SASS6: variants seen among roughly 807,000 people sequenced by gnomAD.
SASS6 encodes SAS-6 centriolar assembly protein.
Under a neutral mutation model 94.9 loss-of-function variants are expected in SASS6, and 59 were observed. That is an observed-to-expected ratio of 0.62 (90% CI 0.50 to 0.77). SASS6 has a LOEUF of 0.77. Among genes scored for constraint, SASS6 ranks in the 30% least tolerant of loss-of-function variants. SASS6 has a pLI of 0.00. For synonymous variants in SASS6, 264 were observed against 270.0 expected (o/e 0.98, Z 0.22); for missense variants, 698 against 734.1 (o/e 0.95, Z 0.57).
intron 14 of SASS6, among the ~76,000 whole-genome samples, chr1:100,100,506 G>C (rs1239066233): frequency 6.6e-6 from 1 of 152,066 alleles, no homozygotes; most frequent in Admixed American, 6.5e-5. Flanking sequence ...AAATAAAAGA[G>C]AAAAAACACG....
rs1238159848 is a variant in SASS6, at chr1:100,132,801, A to G, written c.14T>C (p.Leu5Pro). 1 of 1,614,130 alleles carries G rather than the reference A, an allele frequency of 6.2e-7. No homozygotes were observed. Among genetic ancestry groups the G allele is most frequent in the Non-Finnish European group, 8.5e-7 (1 of 1,179,952 alleles). The change falls in exon 1 of 17, where the codon CTG becomes CCG. Residue 5 changes from leucine (L) to proline (P), a missense_variant. By Grantham distance (98) the Leu-to-Pro change is moderately conservative. Transcript: ENST00000287482. ...CTGCAACGGGACTAGTTGGTGGAACAGCACTTGGCTCATGTTGGCTCGCTG... is the reference window on the plus strand; with the variant it reads ...CTGCAACGGGACTAGTTGGTGGAACGGCACTTGGCTCATGTTGGCTCGCTG... MSQV[L>P]FHQLVPLQVK...
At chr1:100,086,037 CAAA>C (rs1384025043) in intron 15 of SASS6, among the ~76,000 whole-genome samples, 4 of 150,288 alleles carry the variant, frequency 2.7e-5, no homozygotes. Context: ...TCTAGTGCTT[CAAA>C]GTAGTCATGA....
chr1:100,131,565 T>C (rs1011717857), intron 1 of SASS6, among the ~76,000 whole-genome samples: 1 of 152,194 alleles, frequency 6.6e-6, no homozygotes, highest in African/African-American at 2.4e-5. Context: ...ACAATTCAGA[T>C]AAGCCCCATT....
chr1:100,088,273 T>A (rs749864019), intron 14 of SASS6, 37 bp from the exon 15 acceptor site: 1 of 1,022,302 alleles, frequency 9.8e-7, no homozygotes, highest in Non-Finnish European at 1.6e-6. Context: ...AACTGAGTTA[T>A]ATAGAAGTAG....
intron 7 of SASS6, among the ~76,000 whole-genome samples, chr1:100,115,010 A>G (rs1398216234): frequency 1.3e-5 from 2 of 152,188 alleles, no homozygotes; most frequent in Non-Finnish European, 2.9e-5. Context: ...AGCAAATATC[A>G]TATTTAACAG....
At chr1:100,108,139 T>A (rs1449432548) in intron 8 of SASS6, 135 bp from the exon 9 acceptor site, 4 of 502,334 alleles carry the variant, frequency 8.0e-6, no homozygotes, top group Non-Finnish European at 1.0e-5. Context: ...GATTTTTTTT[T>A]AAAAGCATAA....
At chr1:100,126,347 C>A (rs1386404460) in intron 1 of SASS6, among the ~76,000 whole-genome samples, 1 of 152,120 alleles carries the variant, frequency 6.6e-6, no homozygotes, top group African/African-American at 2.4e-5. Context: ...AGGTAAGAAC[C>A]TCATATACCC....
intron 14 of SASS6, among the ~76,000 whole-genome samples, chr1:100,091,513 A>G (rs1376230014): frequency 6.6e-6 from 1 of 152,048 alleles, no homozygotes; most frequent in Non-Finnish European, 1.5e-5. Context: ...AAGTTAAACC[A>G]GAAGAAGTCA....
chr1:100,132,495 C>A (rs1655140522), intron 1 of SASS6, among the ~76,000 whole-genome samples: 1 of 152,168 alleles, frequency 6.6e-6, no homozygotes. Context: ...CGATTCCGTG[C>A]ACAGGTAGGG....
At chr1:100,085,698 GTATACATATA>G (rs1651198477) in intron 15 of SASS6, 68 bp from the exon 16 acceptor site, 1 of 868,710 alleles carries the variant, frequency 1.2e-6, no homozygotes, top group African/African-American at 1.7e-5. Context: ...TATCTCATAT[GTATACATATA>G]TATAAGATAA....
At chr1:100,110,236 A>T (rs1338287208) in intron 8 of SASS6, 56 bp downstream of exon 8, 13 of 1,102,160 alleles carry the variant, frequency 1.2e-5, no homozygotes, top group Admixed American at 2.7e-5. Flanking sequence ...ACATTAAAAT[A>T]ACCAAATCAA....
intron 15 of SASS6, among the ~76,000 whole-genome samples, chr1:100,086,047 A>G (rs1336157906): frequency 6.7e-6 from 1 of 148,994 alleles, no homozygotes; most frequent in African/African-American, 2.5e-5. Flanking sequence ...CAAAGTAGTC[A>G]TGATCAAGTA....
rs1651047362 is a variant in SASS6 at position 100,084,062 on chromosome 1, T to C, written c.*1266A>G. 2 of 151,528 alleles carry C rather than the reference T, an allele frequency of 1.3e-5. No individual in the cohort carries two copies. Among genetic ancestry groups the C allele is most frequent in the Non-Finnish European group, 2.9e-5 (2 of 67,800 alleles). The allele number at this position is 151,528 out of a possible 1,614,324, so 9.4% of individuals were successfully genotyped here. ...AGGTGGGGGAGTATCAACTGCCTAA[T>C]ATTAGTTACTGAATTTTCAGATTAG... On this transcript the variant is annotated 3_prime_UTR_variant, in exon 17 of 17. Transcript: ENST00000287482.
At chr1:100,112,805 C>T (rs1653445877) in intron 7 of SASS6, among the ~76,000 whole-genome samples, 1 of 152,192 alleles carries the variant, frequency 6.6e-6, no homozygotes, top group Non-Finnish European at 1.5e-5. Context: ...CAGCTAAGAA[C>T]CTATCAGGAA....
intron 14 of SASS6, among the ~76,000 whole-genome samples, chr1:100,096,538 T>G (rs1423615908): frequency 6.6e-6 from 1 of 152,140 alleles, no homozygotes; most frequent in African/African-American, 2.4e-5. Context: ...TTTGATAAAT[T>G]GCACTCCATC....
At chr1:100,093,608 G>A (rs1427143504) in intron 14 of SASS6, among the ~76,000 whole-genome samples, 1 of 151,668 alleles carries the variant, frequency 6.6e-6, no homozygotes, top group Non-Finnish European at 1.5e-5. Flanking sequence ...AAAAAAATAC[G>A]AAAATTAGGC....
At chr1:100,107,266 G>T (rs578029199) in intron 11 of SASS6, 108 bp downstream of exon 11, 2 of 704,436 alleles carry the variant, frequency 2.8e-6, no homozygotes, top group African/African-American at 1.8e-5. Context: ...ATGTTCTTTT[G>T]TTAAAAAAAA....
At chr1:100,090,202 A>T (rs774071089) in intron 14 of SASS6, among the ~76,000 whole-genome samples, 1 of 152,198 alleles carries the variant, frequency 6.6e-6, no homozygotes, top group Non-Finnish European at 1.5e-5. Flanking sequence ...ATAGAAAACA[A>T]ATCATAATAT....
At position 100,107,900 on chromosome 1, in the gene SASS6, T is replaced by C. The variant is rs1451158474; in HGVS notation, c.966A>G (p.Thr322=). ...TTTCCTGTTCTAAAACTGCCACTTTTGTTTGTAGCTGATTAACGTGCTTTT... is the reference window on the plus strand; with the variant it reads ...TTTCCTGTTCTAAAACTGCCACTTTCGTTTGTAGCTGATTAACGTGCTTTT... ...EKEKHVNQLQ[T]KVAVLEQEIK... is the part of the protein sequence containing the mutation. The change falls in exon 9 of 17, where the codon ACA becomes ACG. Residue 322 remains threonine (T), a synonymous_variant. Transcript: ENST00000287482. The C allele has an allele frequency of 3.1e-6, 5 of 1,612,522 alleles. No individual in the cohort carries two copies. In the African/African-American group the frequency reaches 5.3e-5, roughly 17 times the overall value.
Sources: gnomAD v4.1 joint callset for allele counts (sites outside exome capture counted in the v4.1 genomes callset) on GRCh38, gnomAD v4.1.1 for gene constraint, MANE v1.5 for transcripts, NCBI Gene and HGNC (gene_info 2026-07-23, HGNC 2026-07-21) for gene names.